CNTNAP2: variants seen among roughly 807,000 people sequenced by gnomAD.
CNTNAP2 encodes the protein contactin-associated protein-like 2.
A neutral mutation model predicts 155.2 loss-of-function variants in CNTNAP2; 98 were observed. That is an observed-to-expected ratio of 0.63 (90% confidence interval 0.54 to 0.75). The LOEUF (loss-of-function observed/expected upper bound fraction) is 0.75. Ranked by LOEUF, CNTNAP2 falls within the 30% of genes least tolerant of loss-of-function variation. CNTNAP2 has a pLI of 0.00. For synonymous variants in CNTNAP2, 651 were observed against 631.2 expected (o/e 1.03, Z -0.47); for missense variants, 1,727 against 1,688.1 (o/e 1.02, Z -0.40).
At chr7:148,170,720 T>A (rs904328646) in intron 17 of CNTNAP2, among the ~76,000 whole-genome samples, 1 of 152,208 alleles carries the variant, frequency 6.6e-6, no homozygotes, top group Non-Finnish European at 1.5e-5. Flanking sequence ...ATTTGCCACT[T>A]CACTGATGGG....
chr7:147,435,210 C>A (rs1797530853), intron 10 of CNTNAP2, among the ~76,000 whole-genome samples: 1 of 152,118 alleles, frequency 6.6e-6, no homozygotes, highest in Non-Finnish European at 1.5e-5. Flanking sequence ...AGTTTTGTCA[C>A]AATAAATGAG....
At chr7:146,797,992 G>A (rs1415249250) in intron 2 of CNTNAP2, among the ~76,000 whole-genome samples, 2 of 149,102 alleles carry the variant, frequency 1.3e-5, no homozygotes, top group African/African-American at 5.2e-5. Context: ...TGATATTTTT[G>A]GCCGAGTGTG....
chr7:148,328,660 G>A (rs74302258), intron 21 of CNTNAP2, among the ~76,000 whole-genome samples: 9,060 of 152,000 alleles, frequency 0.06, 775 homozygotes, highest in East Asian at 0.41. Context: ...CCTGTCCCAG[G>A]GTCATTCTCC....
chr7:146,863,362 C>G (rs1795142254), intron 3 of CNTNAP2, among the ~76,000 whole-genome samples: 1 of 152,056 alleles, frequency 6.6e-6, no homozygotes, highest in Non-Finnish European at 1.5e-5. Flanking sequence ...CTACCAAGAA[C>G]TTTATTCAAT....
chr7:146,719,951 G>A (rs1801256412), intron 1 of CNTNAP2, among the ~76,000 whole-genome samples: 1 of 152,080 alleles, frequency 6.6e-6, no homozygotes, highest in Admixed American at 6.6e-5. Flanking sequence ...AAATGTTGAA[G>A]CATTGAAAGA....
intron 1 of CNTNAP2, among the ~76,000 whole-genome samples, chr7:146,761,510 G>C (rs1802099751): frequency 6.6e-6 from 1 of 152,130 alleles, no homozygotes; most frequent in Non-Finnish European, 1.5e-5. Context: ...TGTTTGTTCT[G>C]TTGTTGTTGC....
chr7:146,386,828 T>C (rs940521953), intron 1 of CNTNAP2, among the ~76,000 whole-genome samples: 2 of 152,222 alleles, frequency 1.3e-5, no homozygotes, highest in Non-Finnish European at 2.9e-5. Flanking sequence ...ATGATATAAT[T>C]CATGAAATCT....
intron 1 of CNTNAP2, 56 bp from the exon 2 acceptor site, chr7:146,774,215 C>G: frequency 8.1e-7 from 1 of 1,235,512 alleles, no homozygotes; most frequent in Non-Finnish European, 1.2e-6. Flanking sequence ...ACATACCAAT[C>G]GTTATTTCGA....
intron 1 of CNTNAP2, among the ~76,000 whole-genome samples, chr7:146,682,455 A>C (rs1351937001): frequency 6.6e-6 from 1 of 152,230 alleles, no homozygotes; most frequent in Non-Finnish European, 1.5e-5. Flanking sequence ...CAATCAAAAC[A>C]TTATTGCCAA....
At chr7:148,155,346 G>A (rs1805378090) in intron 17 of CNTNAP2, among the ~76,000 whole-genome samples, 1 of 152,202 alleles carries the variant, frequency 6.6e-6, no homozygotes, top group Non-Finnish European at 1.5e-5. Context: ...GGGTAGAGAA[G>A]CCAGAATGCA....
chr7:147,800,026 A>G (rs1016145562), intron 13 of CNTNAP2, among the ~76,000 whole-genome samples: 1 of 152,242 alleles, frequency 6.6e-6, no homozygotes, highest in African/African-American at 2.4e-5. Flanking sequence ...GAAGATACAA[A>G]TTCTTCACAC....
At chr7:147,735,839 T>TA (rs1796833773) in intron 13 of CNTNAP2, among the ~76,000 whole-genome samples, 1 of 151,748 alleles carries the variant, frequency 6.6e-6, no homozygotes, top group Non-Finnish European at 1.5e-5. Context: ...AGACTAGGAT[T>TA]GCAACCCCTG....
At chr7:146,158,545 T>C (rs986174401) in intron 1 of CNTNAP2, among the ~76,000 whole-genome samples, 1 of 152,132 alleles carries the variant, frequency 6.6e-6, no homozygotes. Context: ...GAGAAGTCCT[T>C]AAATGACCTG....
At chr7:147,895,301 A>C (rs1456221621) in intron 13 of CNTNAP2, among the ~76,000 whole-genome samples, 1 of 151,936 alleles carries the variant, frequency 6.6e-6, no homozygotes, top group Non-Finnish European at 1.5e-5. Context: ...AAGTCTTGGA[A>C]AACTCCTTTC....
At chr7:146,633,183 T>TCAGA (rs372496182) in intron 1 of CNTNAP2, among the ~76,000 whole-genome samples, 14 of 152,210 alleles carry the variant, frequency 9.2e-5, no homozygotes, top group African/African-American at 3.4e-4. Flanking sequence ...ATTATACTTT[T>TCAGA]CAGACTAGAT....
intron 12 of CNTNAP2, among the ~76,000 whole-genome samples, chr7:147,566,077 T>C (rs975096458): frequency 2.2e-4 from 31 of 143,292 alleles, no homozygotes; most frequent in African/African-American, 8.0e-4. Flanking sequence ...GCCCAGGAGT[T>C]CAAGACCAGC....
rs1563219761 is a variant in CNTNAP2, at chr7:147,476,928, T to TA, written c.1671-9007_1671-9006insA. 1.2e-3 allele frequency among the ~76,000 whole-genome samples: 165 copies of TA among 137,752 alleles called. 3 individuals are homozygous for TA. Among genetic ancestry groups the TA allele is most frequent in the African/African-American group, 4.3e-3 (154 of 36,206 alleles). 90.4% of individuals were successfully genotyped at this position (137,752 alleles called of 152,430 possible). ...GGGTGACAGAGCGAGACTCTGTCATTTAAAAAAAAAAAAAAAAAAAAGATA... is the reference window on the plus strand; with the variant it reads ...GGGTGACAGAGCGAGACTCTGTCATTATAAAAAAAAAAAAAAAAAAAAGATA... On this transcript the variant is annotated intron_variant, in intron 10 of 23. Transcript: ENST00000361727.
At chr7:146,266,712 C>T (rs1799999260) in intron 1 of CNTNAP2, among the ~76,000 whole-genome samples, 1 of 152,068 alleles carries the variant, frequency 6.6e-6, no homozygotes, top group Admixed American at 6.5e-5. Context: ...AAAGACTGTT[C>T]TAAGGAGGAG....
At chr7:146,178,776 A>T (rs1220467213) in intron 1 of CNTNAP2, among the ~76,000 whole-genome samples, 1 of 152,220 alleles carries the variant, frequency 6.6e-6, no homozygotes, top group Non-Finnish European at 1.5e-5. Flanking sequence ...AGAAACAAAC[A>T]GGCAAAATTA....
Sources: allele counts gnomAD v4.1 joint callset (sites outside exome capture counted in the v4.1 genomes callset), GRCh38; gene constraint gnomAD v4.1.1; transcripts MANE v1.5; gene names NCBI Gene and HGNC (gene_info 2026-07-23, HGNC 2026-07-21).